The following IL4I1 variants were observed in gnomAD, a reference collection of about 807,000 sequenced individuals.
The protein encoded by IL4I1 is L-amino-acid oxidase.
In IL4I1, 24 loss-of-function variants were observed where a neutral mutation model predicts 29.7. That is an observed-to-expected ratio of 0.81 (90% confidence interval 0.59 to 1.14). The LOEUF (loss-of-function observed/expected upper bound fraction) is 1.14. IL4I1 is among the 50% of genes most tolerant of loss of function. IL4I1 has a pLI of 0.00. For synonymous variants in IL4I1, 371 were observed against 352.5 expected, an observed-to-expected ratio of 1.05 and a Z score of -0.59; for missense variants, 686 against 785.6, an observed-to-expected ratio of 0.87 and a Z score of 1.52.
chr19:49,905,564 C>G (rs1479831125), intron 2 of IL4I1, among the ~76,000 whole-genome samples: 1 of 152,184 alleles, frequency 6.6e-6, no homozygotes, highest in African/African-American at 2.4e-5. Context: ...AGACACAACT[C>G]TTGTCCTCCA....
Position 49,889,808 on chromosome 19 carries a change from A to G in IL4I1, c.1566T>C (p.Ser522=). ...GCACATGCCCCTGCCCCTCCATGTC[A>G]GATGCGTGCCCCTCGGGGCTGGCCG... ...SDTASPEGHA[S]DMEGQGHVHG... Residue 522 remains serine, a synonymous_variant, in exon 8 of 8, where the codon TCT becomes TCC. Coordinates refer to ENST00000391826, the MANE Select transcript of IL4I1 (RefSeq NM_152899.2). 6.5e-7 allele frequency: 1 copy of G among 1,548,440 alleles called. No homozygotes were observed. Among genetic ancestry groups the G allele is most frequent in the Non-Finnish European group, 8.7e-7 (1 of 1,146,946 alleles).
intron 2 of IL4I1, chr19:49,907,597 T>C (rs1421862671): frequency 1.2e-5 from 5 of 410,664 alleles, no homozygotes; most frequent in African/African-American, 8.7e-5. Context: ...AGTGCAGTGG[T>C]GTGATCTTGG....
chr19:49,900,981 ATGC>A (rs2075266337), upstream of IL4I1, among the ~76,000 whole-genome samples: 1 of 152,176 alleles, frequency 6.6e-6, no homozygotes, highest in Non-Finnish European at 1.5e-5. Context: ...AGGGCAGCTG[ATGC>A]TGATGAGGGC....
At chr19:49,903,275 A>G (rs2075286371) in intron 3 of IL4I1, among the ~76,000 whole-genome samples, 2 of 152,234 alleles carry the variant, frequency 1.3e-5, no homozygotes, top group African/African-American at 4.8e-5. Context: ...GCACCAGGCT[A>G]GTCCCCATCA....
At chr19:49,910,646 T>C (rs192668363) in intron 2 of IL4I1, among the ~76,000 whole-genome samples, 7 of 149,544 alleles carry the variant, frequency 4.7e-5, no homozygotes, top group Non-Finnish European at 8.9e-5. Context: ...TGGGCCTCCC[T>C]TGGACACCTT....
At chr19:49,925,121 T>G (rs1205097032) in intron 2 of IL4I1, among the ~76,000 whole-genome samples, 1 of 151,944 alleles carries the variant, frequency 6.6e-6, no homozygotes, top group African/African-American at 2.4e-5. Flanking sequence ...ATTAGCCATG[T>G]GTGGTGACAC....
chr19:49,929,173 A>G (rs999348086), intron 1 of IL4I1: 1 of 144,114 alleles, frequency 6.9e-6, no homozygotes, highest in African/African-American at 2.5e-5. Context: ...GCCACCCAGT[A>G]TATATCTGTC....
intron 2 of IL4I1, among the ~76,000 whole-genome samples, chr19:49,922,601 G>C (rs1038877994): frequency 1.3e-5 from 2 of 151,984 alleles, no homozygotes; most frequent in Admixed American, 6.6e-5. Context: ...GCTGTGGGGA[G>C]GGGAAGTCAC....
In IL4I1 at chr19:49,889,918, G is replaced by A. The variant is rs763246335; in HGVS notation, c.1456C>T (p.Pro486Ser). 6.2e-7 allele frequency: 1 copy of A among 1,609,154 alleles called. No individual in the cohort carries two copies. Among genetic ancestry groups the A allele is most frequent in the Non-Finnish European group, 8.5e-7 (1 of 1,178,238 alleles). ...IYFAGEHTAY[P>S]HGWVETAVKS... is the part of the protein sequence containing the mutation. ...ACCGCCGTCTCCACCCAGCCGTGCG[G>A]GTAGGCGGTGTGCTCGCCGGCAAAG... is the stretch of plus-strand genomic sequence containing the variant. Residue 486 changes from proline to serine, a missense_variant, in exon 8 of 8, where the codon CCG becomes TCG. Coordinates refer to ENST00000391826, the MANE Select transcript of IL4I1 (RefSeq NM_152899.2).
intron 5 of IL4I1, 47 bp from the exon 6 acceptor site, chr19:49,891,520 G>A (rs766754994): frequency 6.4e-7 from 1 of 1,555,860 alleles, no homozygotes; most frequent in South Asian, 1.1e-5. Flanking sequence ...CGGGCAGCCA[G>A]GGTGGAGGCC....
At chr19:49,925,431 A>G (rs2075863201) in intron 2 of IL4I1, among the ~76,000 whole-genome samples, 1 of 140,212 alleles carries the variant, frequency 7.1e-6, no homozygotes, top group Admixed American at 7.5e-5. Context: ...CCTCCCCCCC[A>G]TCTCTACTAA....
chr19:49,925,141 A>C (rs180894477), intron 2 of IL4I1, among the ~76,000 whole-genome samples: 21 of 152,104 alleles, frequency 1.4e-4, no homozygotes, highest in Non-Finnish European at 2.5e-4. Flanking sequence ...CATGCCTGTA[A>C]TCCTAGCTAC....
Position 49,921,240 on chromosome 19 carries a change from A to G in IL4I1, c.-228+6454T>C, listed in dbSNP as rs2075758520. Among the ~76,000 whole-genome samples, 1 of 152,148 alleles carries G rather than the reference A, an allele frequency of 6.6e-6. No homozygotes were observed. Among genetic ancestry groups the G allele is most frequent in the Non-Finnish European group, 1.5e-5 (1 of 68,024 alleles). On this transcript the variant is annotated intron_variant, in intron 2 of 9. Transcript: ENST00000341114. The surrounding 1 kb of genome is among the most constrained non-coding windows in gnomAD (Gnocchi z 5.4). The stretch of plus-strand genomic sequence containing the variant: ...AAACTGAGAAAGGGGAGAGGACTTC[A>G]GTCACCTGCGTAAAGTCCCACAACC...
At chr19:49,909,631 C>A (rs752657893) in intron 2 of IL4I1, 1 of 1,614,194 alleles carries the variant, frequency 6.2e-7, no homozygotes, top group South Asian at 1.1e-5. Flanking sequence ...CAAGTGAGAA[C>A]AGGCCGGTGG....
At chr19:49,904,999 C>T (rs529490813) in intron 2 of IL4I1, among the ~76,000 whole-genome samples, 162 of 152,234 alleles carry the variant, frequency 1.1e-3, no homozygotes, top group African/African-American at 3.6e-3. Context: ...CATGAGCCAC[C>T]GTGCCCAGCC....
intron 5 of IL4I1, among the ~76,000 whole-genome samples, chr19:49,892,077 CTT>C (rs773013384): frequency 5.0e-5 from 6 of 120,172 alleles, no homozygotes; most frequent in African/African-American, 6.5e-5. Context: ...CCCTCAATGT[CTT>C]TTTTTTTTTT....
At chr19:49,895,253 G>A (rs1016028116) in intron 3 of IL4I1, 73 bp from the exon 4 acceptor site, 7 of 1,236,388 alleles carry the variant, frequency 5.7e-6, no homozygotes, top group African/African-American at 4.4e-5. Flanking sequence ...CTACCACCCC[G>A]TGCCAGCCCC....
chr19:49,920,218 G>C (rs540735979), intron 2 of IL4I1, among the ~76,000 whole-genome samples: 16 of 152,214 alleles, frequency 1.1e-4, no homozygotes, highest in African/African-American at 3.9e-4. Context: ...AAGTAGCTGG[G>C]ACTACAGGCG....
chr19:49,927,130 G>A (rs2075914631), intron 2 of IL4I1, among the ~76,000 whole-genome samples: 2 of 152,194 alleles, frequency 1.3e-5, no homozygotes, highest in African/African-American at 4.8e-5. Flanking sequence ...CAGGGTGGTG[G>A]GACTACAGGC....
Sources: gnomAD v4.1 joint callset for allele counts (sites outside exome capture counted in the v4.1 genomes callset) on GRCh38, gnomAD v4.1.1 for gene constraint, Gnocchi (gnomAD v3.1) non-coding constraint, MANE v1.5 for transcripts, NCBI Gene and HGNC (gene_info 2026-07-23, HGNC 2026-07-21) for gene names.